The following PHLDB2 variants were observed in gnomAD, a reference collection of about 807,000 sequenced individuals.
PHLDB2 encodes pleckstrin homology like domain family B member 2.
In PHLDB2, 71 loss-of-function variants were observed where a neutral mutation model predicts 123.6. The observed-to-expected ratio is 0.57, with a 90% confidence interval of 0.47 to 0.70. The LOEUF is 0.70. Ranked by LOEUF, PHLDB2 falls within the 30% of genes least tolerant of loss-of-function variation. The probability of loss-of-function intolerance (pLI) is 0.00; values close to 1 mark genes in which losing one functional copy is unlikely to be tolerated. For missense variants in PHLDB2, 1,446 were observed against 1,519.5 expected (o/e 0.95, Z 0.80); for synonymous variants, 547 against 541.6 (o/e 1.01, Z -0.14).
Position 111,974,682 on chromosome 3 carries a change from A to G in PHLDB2, c.*119A>G, listed in dbSNP as rs2072443237. On this transcript the variant is annotated 3_prime_UTR_variant, in exon 18 of 18. Coordinates refer to ENST00000431670, the MANE Select transcript of PHLDB2 (RefSeq NM_001134438.2). ...TCCATCCCTTGAGCTGTAAACACTC[A>G]GAACTCCTTTCATATCAAGACAAGT... The G allele has an allele frequency of 9.7e-7, 1 of 1,031,976 alleles. No homozygotes were observed. The highest frequency in any genetic ancestry group is 3.0e-5 in the Admixed American group (1 of 33,500). The allele number at this position is 1,031,976 out of a possible 1,614,324, so 63.9% of individuals were successfully genotyped here.
chr3:111,952,838 G>A, intron 11 of PHLDB2, 126 bp downstream of exon 11: 1 of 1,129,874 alleles, frequency 8.9e-7, no homozygotes, highest in East Asian at 2.5e-5. Context: ...TTGTTAGGCA[G>A]ACATCAGGAC....
intron 1 of PHLDB2, among the ~76,000 whole-genome samples, chr3:111,786,481 C>T (rs1214920778): frequency 1.3e-5 from 2 of 152,138 alleles, no homozygotes; most frequent in African/African-American, 2.4e-5. Context: ...AAACTGATGA[C>T]CTCTAAGGCC....
chr3:111,907,137 AG>A (rs1223459073), intron 2 of PHLDB2, among the ~76,000 whole-genome samples: 1 of 152,234 alleles, frequency 6.6e-6, no homozygotes, highest in Non-Finnish European at 1.5e-5. Context: ...GCCAGTGAAA[AG>A]TCTGGAGAGC....
chr3:111,968,919 T>C (rs896337866), intron 15 of PHLDB2, among the ~76,000 whole-genome samples: 1 of 152,186 alleles, frequency 6.6e-6, no homozygotes, highest in African/African-American at 2.4e-5. Context: ...TATAATTAGG[T>C]CATTTCCCCG....
At chr3:111,909,885 T>C (rs2067782537) in intron 2 of PHLDB2, among the ~76,000 whole-genome samples, 1 of 152,236 alleles carries the variant, frequency 6.6e-6, no homozygotes, top group Non-Finnish European at 1.5e-5. Flanking sequence ...AAAAGGTTTT[T>C]AGCAAAGATT....
intron 1 of PHLDB2, among the ~76,000 whole-genome samples, chr3:111,882,062 ATG>A (rs2065958240): frequency 6.6e-6 from 1 of 152,200 alleles, no homozygotes; most frequent in South Asian, 2.1e-4. Context: ...CATTTTATGA[ATG>A]TACTTTTTAT....
chr3:111,848,261 G>A (rs1400233049), intron 2 of PHLDB2, among the ~76,000 whole-genome samples: 2 of 152,086 alleles, frequency 1.3e-5, no homozygotes, highest in Non-Finnish European at 2.9e-5. Flanking sequence ...ACTTTCCTTT[G>A]AGAACTAATT....
chr3:111,935,500 A>AAGATAGATAGAC (rs2069423543), intron 6 of PHLDB2, among the ~76,000 whole-genome samples: 1 of 145,636 alleles, frequency 6.9e-6, no homozygotes, highest in South Asian at 2.3e-4. Context: ...ATGTGTATAT[A>AAGATAGATAGAC]AGATAGATAG....
chr3:111,769,850 C>T (rs1268856020), intron 1 of PHLDB2, among the ~76,000 whole-genome samples: 3 of 152,312 alleles, frequency 2.0e-5, no homozygotes, highest in South Asian at 2.1e-4. Flanking sequence ...TGATGAAACA[C>T]ATATGTTTAA....
chr3:111,914,770 A>G (rs924552660), intron 3 of PHLDB2: 2 of 152,138 alleles, frequency 1.3e-5, no homozygotes, highest in African/African-American at 4.8e-5. Flanking sequence ...ATTGGTACTC[A>G]TAAGTACTAT....
intron 1 of PHLDB2, among the ~76,000 whole-genome samples, chr3:111,813,950 T>TA (rs2108352477): frequency 6.6e-6 from 1 of 152,348 alleles, no homozygotes; most frequent in South Asian, 2.1e-4. Context: ...CTTTTTATTC[T>TA]ATGTCATTTG....
intron 1 of PHLDB2, among the ~76,000 whole-genome samples, chr3:111,775,536 A>C (rs997172288): frequency 2.6e-5 from 4 of 152,196 alleles, no homozygotes; most frequent in African/African-American, 9.6e-5. Context: ...GGAAGTAATT[A>C]CACAATAATC....
At chr3:111,755,588 C>T (rs1296096628) in intron 1 of PHLDB2, among the ~76,000 whole-genome samples, 1 of 146,462 alleles carries the variant, frequency 6.8e-6, no homozygotes, top group African/African-American at 2.6e-5. Context: ...TTTGTTGATC[C>T]TTTCAAAAAA....
At chr3:111,902,817 T>C (rs2067274246) in intron 2 of PHLDB2, among the ~76,000 whole-genome samples, 1 of 152,130 alleles carries the variant, frequency 6.6e-6, no homozygotes, top group African/African-American at 2.4e-5. Context: ...TTTTGTATTT[T>C]CTGTAGAGAT....
chr3:111,837,627 GT>G (rs1335608131), intron 1 of PHLDB2, among the ~76,000 whole-genome samples: 4 of 152,138 alleles, frequency 2.6e-5, no homozygotes, highest in Non-Finnish European at 5.9e-5. Flanking sequence ...AAACTCCTTA[GT>G]TTTTTTATGG....
At chr3:111,951,305 A>G (rs992079083) in intron 10 of PHLDB2, among the ~76,000 whole-genome samples, 1 of 152,188 alleles carries the variant, frequency 6.6e-6, no homozygotes, top group African/African-American at 2.4e-5. Context: ...TCTGTAATAT[A>G]GAGATAGTAA....
intron 1 of PHLDB2, among the ~76,000 whole-genome samples, chr3:111,875,783 G>A (rs538522123): frequency 5.4e-5 from 8 of 148,096 alleles, no homozygotes; most frequent in South Asian, 2.1e-4. Flanking sequence ...AGAATGTACC[G>A]TTGCATTCCA....
chr3:111,824,237 A>G (rs2062543715), intron 1 of PHLDB2, among the ~76,000 whole-genome samples: 1 of 152,038 alleles, frequency 6.6e-6, no homozygotes. Flanking sequence ...GGTAGCTTCG[A>G]CTGCCAAATC....
intron 2 of PHLDB2, chr3:111,846,401 A>G (rs77725378): frequency 0.026 from 4,194 of 159,224 alleles, 205 homozygotes; most frequent in African/African-American, 0.093. Flanking sequence ...AATCTTTGCA[A>G]AGGGTTTCCC....
Sources: allele counts gnomAD v4.1 joint callset (sites outside exome capture counted in the v4.1 genomes callset), GRCh38; gene constraint gnomAD v4.1.1; transcripts MANE v1.5; gene names NCBI Gene and HGNC (gene_info 2026-07-23, HGNC 2026-07-21).